The following RP1 variants were observed in gnomAD, a reference collection of about 807,000 sequenced individuals.
RP1 encodes the protein oxygen-regulated protein 1.
A neutral mutation model predicts 14.8 loss-of-function variants in RP1; 16 were observed. The ratio of observed to expected loss-of-function variants is 1.08; its 90% CI spans 0.73 to 1.65. The LOEUF (loss-of-function observed/expected upper bound fraction) is 1.65, where lower values mean the gene tolerates loss of function less well. RP1 is among the 40% of genes most tolerant of loss of function. The pLI, the probability that RP1 is intolerant of heterozygous loss-of-function variation, is 0.00. For synonymous variants in RP1, 876 were observed against 883.6 expected (o/e 0.99, Z 0.15); for missense variants, 2,631 against 2,535.0 (o/e 1.04, Z -0.81).
At position 54,627,046 on chromosome 8, in the gene RP1, A is replaced by G. The variant is rs2129317020; in HGVS notation, c.3164A>G (p.Glu1055Gly). The G allele has an allele frequency of 6.2e-7, 1 of 1,614,052 alleles. No individual in the cohort carries two copies. The highest frequency in any genetic ancestry group is 1.6e-4 in the Middle Eastern group (1 of 6,062). The stretch of plus-strand genomic sequence containing the variant: ...CCAGAGAAAAAACTTGTTTACCAGG[A>G]AATAAACCTAGCTAGAAAAAGGCAA... ...SGPEKKLVYQ[E>G]INLARKRQSV... Residue 1055 changes from glutamate (E) to glycine (G), a missense_variant, in exon 4 of 4, where the codon GAA (glutamate) becomes GGA (glycine). Physicochemically the swap from Glu to Gly is moderately conservative, Grantham distance 98. Transcript: ENST00000220676.
intron 16 of RP1, among the ~76,000 whole-genome samples, chr8:54,722,135 G>A (rs1808549850): frequency 6.6e-6 from 1 of 151,672 alleles, no homozygotes; most frequent in Non-Finnish European, 1.5e-5. Context: ...CCCAGCTACT[G>A]GGAGAAGAAT....
At chr8:54,710,771 T>A (rs947636648) in intron 15 of RP1, among the ~76,000 whole-genome samples, 20 of 152,182 alleles carry the variant, frequency 1.3e-4, no homozygotes, top group African/African-American at 4.6e-4. Context: ...CTCTCCCTGA[T>A]GTCCAGCTGC....
chr8:54,701,611 A>G (rs577115448), exon 14 of RP1: 339 of 1,535,592 alleles, frequency 2.2e-4, no homozygotes, highest in Non-Finnish European at 2.7e-4. Context: ...TAGCTGATGC[A>G]TCATCAGCAG....
chr8:54,620,620 T>C (rs565331877), intron 1 of RP1, among the ~76,000 whole-genome samples: 1 of 152,340 alleles, frequency 6.6e-6, no homozygotes. Context: ...TGATCATCTT[T>C]CTATGCCAAA....
At chr8:54,820,828 C>T (rs1156974494) in intron 24 of RP1, among the ~76,000 whole-genome samples, 4 of 152,036 alleles carry the variant, frequency 2.6e-5, no homozygotes, top group Admixed American at 6.6e-5. Flanking sequence ...AGGATCGCTG[C>T]GGGCCATCTT....
rs1347901695 is a variant in RP1, at chr8:54,625,158, G to A, written c.1276G>A (p.Glu426Lys). 1.9e-6 allele frequency: 3 copies of A among 1,614,198 alleles called. No homozygotes were observed. The highest frequency in any genetic ancestry group is 4.5e-5 in the East Asian group (2 of 44,882). ...TGAAACTTGCAGTTCTGCTAGTTGG[G>A]AGAATGCTACTGTGGACACAGATAT... The part of the protein sequence containing the change: ...VAETCSSASW[E>K]NATVDTDIIQ... Residue 426 changes from glutamate to lysine, a missense_variant, in exon 4 of 4, where the codon GAG (glutamate) becomes AAG (lysine). Coordinates refer to ENST00000220676, the MANE Select transcript of RP1 (RefSeq NM_006269.2).
At chr8:54,733,105 G>A (rs1203561525) in intron 17 of RP1, among the ~76,000 whole-genome samples, 1 of 152,206 alleles carries the variant, frequency 6.6e-6, no homozygotes, top group African/African-American at 2.4e-5. Flanking sequence ...GCATCCTGGT[G>A]AATTATGTTT....
At chr8:54,794,097 G>A (rs1180701262) in intron 24 of RP1, among the ~76,000 whole-genome samples, 1 of 151,744 alleles carries the variant, frequency 6.6e-6, no homozygotes, top group Non-Finnish European at 1.5e-5. Context: ...CCATGTTCAT[G>A]GATCAGAAAA....
chr8:54,610,044 C>G (rs774741968), intron 1 of RP1, among the ~76,000 whole-genome samples: 1 of 152,136 alleles, frequency 6.6e-6, no homozygotes, highest in Admixed American at 6.5e-5. Flanking sequence ...ACTCCAATCC[C>G]TCTCCTTCTA....
rs759737695 is a variant in RP1 at position 54,628,825 on chromosome 8, C to T, written c.4943C>T (p.Pro1648Leu). Reference sequence around the variant, plus strand: ...GATATTATCAAACCATCTTTTTTTCCTGGGTCTACCCGCAAATCTCAGGTT... The same window carrying T: ...GATATTATCAAACCATCTTTTTTTCTTGGGTCTACCCGCAAATCTCAGGTT... ...KADIIKPSFFPGSTRKSQVCP... is the reference protein window; with the variant it reads ...KADIIKPSFFLGSTRKSQVCP... Residue 1648 changes from proline (P) to leucine (L), a missense_variant, in exon 4 of 4, where the codon CCT becomes CTT. Physicochemically the swap from Pro to Leu is moderately conservative, Grantham distance 98 (BLOSUM62 -3). Coordinates refer to ENST00000220676, the MANE Select transcript of RP1 (RefSeq NM_006269.2). 1.9e-6 allele frequency: 3 copies of T among 1,613,852 alleles called. No individual in the cohort carries two copies. Among genetic ancestry groups the T allele is most frequent in the African/African-American group, 2.7e-5 (2 of 74,888 alleles).
At chr8:54,768,524 A>ATGGAAGGT (rs1281288037) in intron 22 of RP1, among the ~76,000 whole-genome samples, 1 of 152,210 alleles carries the variant, frequency 6.6e-6, no homozygotes, top group African/African-American at 2.4e-5. Context: ...AGATGGAAGG[A>ATGGAAGGT]TGGAAGGAAT....
At chr8:54,620,931 G>A in intron 1 of RP1, 24 bp from the exon 2 acceptor site, 1 of 1,610,104 alleles carries the variant, frequency 6.2e-7, no homozygotes, top group Non-Finnish European at 8.5e-7. Flanking sequence ...TGTGATTCTG[G>A]AGATAATTTT....
chr8:54,722,416 G>GC (rs1167465734), intron 16 of RP1, among the ~76,000 whole-genome samples: 1 of 151,686 alleles, frequency 6.6e-6, no homozygotes, highest in Non-Finnish European at 1.5e-5. Context: ...GACTACAGGC[G>GC]CCCGCCACCG....
intron 12 of RP1, chr8:54,680,019 T>C: frequency 1.4e-6 from 2 of 1,441,444 alleles, no homozygotes; most frequent in Non-Finnish European, 1.8e-6. Flanking sequence ...TAATTTATAG[T>C]TTTGTTCTTT....
intron 1 of RP1, among the ~76,000 whole-genome samples, chr8:54,606,373 C>T (rs1280840923): frequency 6.6e-6 from 1 of 151,796 alleles, no homozygotes; most frequent in African/African-American, 2.4e-5. Flanking sequence ...TATTGGCCCC[C>T]ACTCTCTTCT....
intron 19 of RP1, among the ~76,000 whole-genome samples, chr8:54,749,574 G>A (rs1809308762): frequency 6.6e-6 from 1 of 152,154 alleles, no homozygotes; most frequent in Admixed American, 6.5e-5. Context: ...AGGACAGTTA[G>A]AGAAGGGGCT....
downstream of RP1, among the ~76,000 whole-genome samples, chr8:54,633,682 C>A (rs1187966440): frequency 6.8e-6 from 1 of 147,756 alleles, no homozygotes; most frequent in East Asian, 2.0e-4. Context: ...GTTCTTCTGA[C>A]CAAGATGTAT....
In RP1 at chr8:54,628,121, A is replaced by C. The variant is rs757025790; in HGVS notation, c.4239A>C (p.Lys1413Asn). 1.7e-5 allele frequency: 27 copies of C among 1,614,028 alleles called. No homozygotes were observed. The highest frequency in any genetic ancestry group is 2.3e-5 in the Non-Finnish European group (27 of 1,179,920). The change falls in exon 4 of 4, where the codon AAA becomes AAC. Residue 1413 changes from lysine (K) to asparagine (N), a missense_variant. Physicochemically the swap from Lys to Asn is moderately conservative, Grantham distance 94. Transcript: ENST00000220676. ...LSEKEAELDK[K>N]HSSLDDFENC... is the part of the protein sequence containing the mutation. ...AAAAAGAAGCAGAACTTGATAAGAA[A>C]CATAGTTCTCTAGATGATTTTGAAA...
chr8:54,611,144 C>T (rs536833258), upstream of RP1, among the ~76,000 whole-genome samples: 7 of 152,220 alleles, frequency 4.6e-5, no homozygotes, highest in African/African-American at 1.7e-4. Context: ...GAATTGCTTC[C>T]CTTTTGATGC....
Sources: gnomAD v4.1 joint callset for allele counts (sites outside exome capture counted in the v4.1 genomes callset) on GRCh38, gnomAD v4.1.1 for gene constraint, MANE v1.5 for transcripts, NCBI Gene and HGNC (gene_info 2026-07-23, HGNC 2026-07-21) for gene names.